The following SGIP1 variants were observed in gnomAD, a reference collection of about 807,000 sequenced individuals.
SGIP1 encodes SH3GL interacting endocytic adaptor 1.
In SGIP1, 38 loss-of-function variants were observed where a neutral mutation model predicts 107.5. The observed-to-expected ratio is 0.35, with a 90% CI of 0.27 to 0.46. The LOEUF is 0.46. Among genes scored for constraint, SGIP1 ranks in the 20% least tolerant of loss-of-function variants. SGIP1 has a pLI of 1.00. For missense variants in SGIP1, 929 were observed against 1,019.5 expected, an observed-to-expected ratio of 0.91 and a Z score of 1.21; for synonymous variants, 365 against 366.1, an observed-to-expected ratio of 1.00 and a Z score of 0.03.
rs188382181 is a variant in SGIP1, at chr1:66,546,007, T to C, written c.10+11639T>C. On this transcript the variant is annotated intron_variant, in intron 1 of 24. Transcript: ENST00000371037. The stretch of plus-strand genomic sequence containing the variant: ...TAAATACCCAGTTTTAATAAATGAA[T>C]CCTGTGTAAGGATCACAAACTTTTG... Among the ~76,000 whole-genome samples the C allele has an allele frequency of 1.4e-3, 207 of 152,226 alleles. 1 individual carries two copies. Among genetic ancestry groups the C allele is most frequent in the Middle Eastern group, 3.4e-3 (1 of 292 alleles).
intron 1 of SGIP1, chr1:66,615,831 A>T (rs368729508): frequency 6.6e-6 from 1 of 152,226 alleles, no homozygotes; most frequent in Admixed American, 6.5e-5. Flanking sequence ...GGAGAGAAAA[A>T]GAAAGTAACC....
At chr1:66,619,332 A>G (rs901125225) in intron 1 of SGIP1, among the ~76,000 whole-genome samples, 1 of 152,242 alleles carries the variant, frequency 6.6e-6, no homozygotes, top group African/African-American at 2.4e-5. Context: ...AGAGAAAGCA[A>G]TGTGTAGCAA....
intron 21 of SGIP1, among the ~76,000 whole-genome samples, chr1:66,737,668 T>A (rs2094313924): frequency 6.6e-6 from 1 of 152,226 alleles, no homozygotes; most frequent in Non-Finnish European, 1.5e-5. Context: ...AATAATGATA[T>A]CTACTTATTT....
At chr1:66,682,840 C>A (rs532048174) in intron 15 of SGIP1, among the ~76,000 whole-genome samples, 5 of 149,796 alleles carry the variant, frequency 3.3e-5, no homozygotes, top group Non-Finnish European at 7.4e-5. Flanking sequence ...CTATTTTTTT[C>A]TTTTCTTTTT....
intron 9 of SGIP1, among the ~76,000 whole-genome samples, chr1:66,669,816 G>C (rs56004227): frequency 0.077 from 11,683 of 152,126 alleles, 462 homozygotes; most frequent in South Asian, 0.098. Flanking sequence ...AACTGCTCCC[G>C]TAGCATAAAT....
chr1:66,655,324 T>C (rs2079533552), intron 7 of SGIP1, among the ~76,000 whole-genome samples: 2 of 152,118 alleles, frequency 1.3e-5, no homozygotes, highest in Admixed American at 1.3e-4. Context: ...CTCAACAACT[T>C]CATCTGTTTG....
In SGIP1 at chr1:66,656,525, C is replaced by T. The variant is rs2079815091; in HGVS notation, c.460-3988C>T. On this transcript the variant is annotated intron_variant, in intron 7 of 24. Coordinates refer to ENST00000371037, the MANE Select transcript of SGIP1 (RefSeq NM_032291.4). ...ACATGGGTAATGCATTGCACTATGA[C>T]ATCACTAGGCAATAGAAATTTTTCA... is the stretch of plus-strand genomic sequence containing the variant. Among the ~76,000 whole-genome samples, 3 of 152,188 alleles carry T rather than the reference C, an allele frequency of 2.0e-5. No individual in the cohort carries two copies. The South Asian group carries it at 6.2e-4, about 32-fold the overall frequency.
intron 8 of SGIP1, among the ~76,000 whole-genome samples, chr1:66,665,516 T>C (rs1038434939): frequency 4.6e-5 from 7 of 152,204 alleles, no homozygotes; most frequent in Non-Finnish European, 2.9e-5. Flanking sequence ...CAAATGGTAT[T>C]TCTAGTTATA....
intron 7 of SGIP1, among the ~76,000 whole-genome samples, chr1:66,655,781 G>C (rs1467447593): frequency 1.3e-5 from 2 of 152,008 alleles, no homozygotes; most frequent in African/African-American, 4.8e-5. Flanking sequence ...CATGAATGGA[G>C]TTTGCAGGGC....
chr1:66,701,963 C>CT (rs2091964087), intron 18 of SGIP1, among the ~76,000 whole-genome samples: 1 of 152,156 alleles, frequency 6.6e-6, no homozygotes, highest in African/African-American at 2.4e-5. Context: ...AGCATGTCAC[C>CT]ATGCAAGGAG....
intron 1 of SGIP1, among the ~76,000 whole-genome samples, chr1:66,605,258 G>A (rs918166511): frequency 2.6e-5 from 4 of 152,124 alleles, no homozygotes; most frequent in Admixed American, 1.3e-4. Flanking sequence ...ATCCTTCTGT[G>A]TATGACTTTG....
At chr1:66,580,972 G>A (rs1036482547) in intron 1 of SGIP1, among the ~76,000 whole-genome samples, 1 of 152,028 alleles carries the variant, frequency 6.6e-6, no homozygotes, top group African/African-American at 2.4e-5. Context: ...TCATTTGTTT[G>A]GATCTGTGCA....
chr1:66,538,859 GA>G (rs1461768818), intron 1 of SGIP1, among the ~76,000 whole-genome samples: 1 of 152,172 alleles, frequency 6.6e-6, no homozygotes, highest in African/African-American at 2.4e-5. Flanking sequence ...CTGTTTGAAG[GA>G]AAGAAGCTTT....
chr1:66,679,884 T>C, intron 14 of SGIP1, 132 bp downstream of exon 14: 2 of 801,876 alleles, frequency 2.5e-6, no homozygotes, highest in Non-Finnish European at 3.6e-6. Context: ...AGTTTTGCTT[T>C]CATTAGAATT....
chr1:66,618,563 G>C (rs926923611), intron 1 of SGIP1, among the ~76,000 whole-genome samples: 1 of 152,128 alleles, frequency 6.6e-6, no homozygotes, highest in African/African-American at 2.4e-5. Flanking sequence ...TCAACATCTT[G>C]GTCTTGTTAC....
At chr1:66,563,994 G>A (rs1415451209) in intron 1 of SGIP1, among the ~76,000 whole-genome samples, 1 of 151,954 alleles carries the variant, frequency 6.6e-6, no homozygotes, top group Non-Finnish European at 1.5e-5. Context: ...CAGACTGTAA[G>A]CAATCATATA....
At chr1:66,631,085 A>G (rs2074530360) in intron 2 of SGIP1, among the ~76,000 whole-genome samples, 1 of 143,842 alleles carries the variant, frequency 7.0e-6, no homozygotes, top group South Asian at 2.3e-4. Flanking sequence ...GAAAGAAAGA[A>G]AGAAAGAAAG....
chr1:66,725,953 A>G (rs1181144058), intron 19 of SGIP1, among the ~76,000 whole-genome samples: 1 of 152,230 alleles, frequency 6.6e-6, no homozygotes, highest in Non-Finnish European at 1.5e-5. Flanking sequence ...GCTGGAAAAG[A>G]ATCCATCTGC....
At chr1:66,562,429 G>A (rs2059089185) in intron 1 of SGIP1, among the ~76,000 whole-genome samples, 1 of 151,952 alleles carries the variant, frequency 6.6e-6, no homozygotes, top group Non-Finnish European at 1.5e-5. Flanking sequence ...CAATAGCAGG[G>A]AAGAATTCTG....
Sources: allele counts gnomAD v4.1 joint callset (sites outside exome capture counted in the v4.1 genomes callset), GRCh38; gene constraint gnomAD v4.1.1; transcripts MANE v1.5; gene names NCBI Gene and HGNC (gene_info 2026-07-23, HGNC 2026-07-21).